Variants in ARHGAP20 observed in about 807,000 individuals in gnomAD.
ARHGAP20 encodes Rho GTPase activating protein 20.
In ARHGAP20, 34 loss-of-function variants were observed where a neutral mutation model predicts 73.7. The ratio of observed to expected loss-of-function variants is 0.46; its 90% CI spans 0.35 to 0.61. The LOEUF (loss-of-function observed/expected upper bound fraction) is 0.61, where lower values mean the gene tolerates loss of function less well. Among genes scored for constraint, ARHGAP20 ranks in the 20% least tolerant of loss-of-function variants. ARHGAP20 has a pLI of 0.00. For synonymous variants in ARHGAP20, 523 were observed against 518.2 expected (o/e 1.01, Z -0.13); for missense variants, 1,314 against 1,420.9 (o/e 0.92, Z 1.21).
At chr11:110,656,637 C>A (rs1241944788) in intron 2 of ARHGAP20, among the ~76,000 whole-genome samples, 1 of 152,148 alleles carries the variant, frequency 6.6e-6, no homozygotes, top group East Asian at 1.9e-4. Flanking sequence ...GTTTGCTGCT[C>A]CTCCATTGTG....
chr11:110,656,355 CT>C (rs1815681668), intron 2 of ARHGAP20, among the ~76,000 whole-genome samples: 1 of 152,180 alleles, frequency 6.6e-6, no homozygotes, highest in South Asian at 2.1e-4. Context: ...CCAAATTCTA[CT>C]TTGAATTGGT....
At chr11:110,646,962 A>G (rs538954604) in intron 2 of ARHGAP20, among the ~76,000 whole-genome samples, 94 of 152,232 alleles carry the variant, frequency 6.2e-4, no homozygotes, top group African/African-American at 2.1e-3. Flanking sequence ...AAAATTTTCA[A>G]AAAAAATAAT....
intron 4 of ARHGAP20, among the ~76,000 whole-genome samples, chr11:110,623,058 T>C (rs373507725): frequency 6.6e-6 from 1 of 152,168 alleles, no homozygotes; most frequent in Non-Finnish European, 1.5e-5. Context: ...AATGAAAATA[T>C]CTAGAGAAAT....
At chr11:110,683,008 C>A (rs1013419553) in intron 2 of ARHGAP20, among the ~76,000 whole-genome samples, 2 of 152,062 alleles carry the variant, frequency 1.3e-5, no homozygotes, top group South Asian at 4.2e-4. Context: ...TTAAAAGTAC[C>A]TAGCACAAAG....
At chr11:110,661,978 G>C (rs1227080123) in intron 2 of ARHGAP20, among the ~76,000 whole-genome samples, 2 of 151,952 alleles carry the variant, frequency 1.3e-5, no homozygotes, top group African/African-American at 4.8e-5. Flanking sequence ...TAAGGAACTG[G>C]CCGAATAAAC....
At chr11:110,638,210 T>G (rs1300907009) in intron 2 of ARHGAP20, among the ~76,000 whole-genome samples, 18 of 151,968 alleles carry the variant, frequency 1.2e-4, no homozygotes, top group Admixed American at 1.2e-3. Context: ...TGAACAAAAT[T>G]ATAAAAATTG....
chr11:110,695,344 G>A (rs1319717633), intron 1 of ARHGAP20, among the ~76,000 whole-genome samples: 1 of 151,414 alleles, frequency 6.6e-6, no homozygotes, highest in Non-Finnish European at 1.5e-5. Context: ...TCTAGACACT[G>A]TCAAGATTTA....
At chr11:110,605,948 C>T (rs183556010) in intron 9 of ARHGAP20, among the ~76,000 whole-genome samples, 3 of 152,336 alleles carry the variant, frequency 2.0e-5, no homozygotes, top group African/African-American at 7.2e-5. Flanking sequence ...ATACAATCTT[C>T]CTTTCAGACA....
chr11:110,590,840 T>C (rs757127443), intron 10 of ARHGAP20, 31 bp from the exon 11 acceptor site: 106 of 1,597,998 alleles, frequency 6.6e-5, no homozygotes, highest in Non-Finnish European at 8.4e-5. Flanking sequence ...ATAAACAAAA[T>C]GACACTTCCA....
At chr11:110,630,510 A>C in intron 3 of ARHGAP20, 118 bp downstream of exon 3, 1 of 1,072,930 alleles carries the variant, frequency 9.3e-7, no homozygotes. Flanking sequence ...ATCACTTTAG[A>C]TATTACCTAT....
At chr11:110,615,263 C>A (rs1181781865) in intron 5 of ARHGAP20, among the ~76,000 whole-genome samples, 1 of 152,128 alleles carries the variant, frequency 6.6e-6, no homozygotes. Flanking sequence ...AATTGGTAGG[C>A]TGGAGACAAT....
intron 1 of ARHGAP20, among the ~76,000 whole-genome samples, chr11:110,696,035 A>G (rs1789733019): frequency 6.6e-6 from 1 of 151,576 alleles, no homozygotes; most frequent in South Asian, 2.1e-4. Context: ...GTGAACCTTG[A>G]AAACATTAAA....
chr11:110,625,678 T>C (rs1389340818), intron 3 of ARHGAP20, among the ~76,000 whole-genome samples: 1 of 151,388 alleles, frequency 6.6e-6, no homozygotes, highest in Non-Finnish European at 1.5e-5. Flanking sequence ...TTCTACCTAA[T>C]CCCTGTAGAC....
intron 1 of ARHGAP20, among the ~76,000 whole-genome samples, chr11:110,693,387 T>C (rs1242695764): frequency 6.6e-6 from 1 of 151,954 alleles, no homozygotes; most frequent in Non-Finnish European, 1.5e-5. Flanking sequence ...AATGAGACAG[T>C]TTGGACTACA....
intron 2 of ARHGAP20, among the ~76,000 whole-genome samples, chr11:110,682,977 G>A (rs2135098019): frequency 6.8e-6 from 1 of 147,620 alleles, no homozygotes; most frequent in South Asian, 2.2e-4. Context: ...GGTGTTGTCT[G>A]TCCCTCCTCT....
At chr11:110,606,489 G>A (rs1343078953) in intron 9 of ARHGAP20, 72 bp downstream of exon 9, 24 of 1,442,974 alleles carry the variant, frequency 1.7e-5, no homozygotes, top group African/African-American at 5.8e-5. Context: ...CTCATCTGGC[G>A]GGAGGTTTGA....
chr11:110,612,875 G>A (rs10891150), intron 6 of ARHGAP20, among the ~76,000 whole-genome samples: 24,411 of 152,162 alleles, frequency 0.16, 2,457 homozygotes, highest in East Asian at 0.31. Context: ...TTGTCTCAGA[G>A]TGAAACAGGG....
intron 9 of ARHGAP20, among the ~76,000 whole-genome samples, chr11:110,599,336 C>T (rs771464845): frequency 5.9e-5 from 9 of 152,216 alleles, no homozygotes; most frequent in African/African-American, 2.2e-4. Context: ...TGCAGCCCAA[C>T]CAGGTTGTGC....
intron 6 of ARHGAP20, among the ~76,000 whole-genome samples, chr11:110,613,431 T>C (rs1948413105): frequency 6.6e-6 from 1 of 152,320 alleles, no homozygotes; most frequent in South Asian, 2.1e-4. Flanking sequence ...CGTCACATCA[T>C]CCTTGACTTA....
Sources: gnomAD v4.1 joint callset for allele counts (sites outside exome capture counted in the v4.1 genomes callset) on GRCh38, gnomAD v4.1.1 for gene constraint, MANE v1.5 for transcripts, NCBI Gene and HGNC (gene_info 2026-07-23, HGNC 2026-07-21) for gene names.